Variants in TBL1X observed in about 807,000 individuals in gnomAD.
The protein encoded by TBL1X is F-box-like/WD repeat-containing protein TBL1X.
TBL1X carries 10 observed loss-of-function variants against 50.7 expected under a neutral mutation model. The ratio of observed to expected loss-of-function variants is 0.20; its 90% CI spans 0.12 to 0.33. The LOEUF is 0.33. TBL1X is among the 10% of genes least tolerant of loss of function. TBL1X has a pLI of 1.00. For missense variants in TBL1X, 340 were observed against 504.4 expected, an observed-to-expected ratio of 0.67 and a Z score of 3.12; for synonymous variants, 190 against 214.7, an observed-to-expected ratio of 0.88 and a Z score of 1.01.
At chrX:9,500,688 G>A (rs2081996825) in intron 1 of TBL1X, among the ~76,000 whole-genome samples, 1 of 112,318 alleles carries the variant, frequency 8.9e-6, no homozygotes, top group African/African-American at 3.2e-5. Context: ...TAGCGGTGGT[G>A]TGGGAATTGA....
At chrX:9,620,576 C>T (rs1001217561) in intron 2 of TBL1X, among the ~76,000 whole-genome samples, 3 of 111,841 alleles carry the variant, frequency 2.7e-5, no homozygotes, top group African/African-American at 9.8e-5. Context: ...ATGGATGAAC[C>T]GAAGTGTGTA....
intron 2 of TBL1X, among the ~76,000 whole-genome samples, chrX:9,574,608 T>C (rs2082401757): frequency 9.0e-6 from 1 of 110,615 alleles, no homozygotes; most frequent in Non-Finnish European, 1.9e-5. Context: ...AAGTGTTCTG[T>C]TCTGTGTAGG....
intron 1 of TBL1X, among the ~76,000 whole-genome samples, chrX:9,494,510 A>T (rs2081962026): frequency 8.9e-6 from 1 of 111,908 alleles, no homozygotes; most frequent in Non-Finnish European, 1.9e-5. Context: ...GCCTTTAAAC[A>T]TGGTGACAGG....
chrX:9,527,049 G>A (rs1212990084), intron 2 of TBL1X, among the ~76,000 whole-genome samples: 2 of 112,222 alleles, frequency 1.8e-5, no homozygotes, highest in East Asian at 5.6e-4. Flanking sequence ...TGAGCCAGGC[G>A]TGGGCAGGGA....
rs758379669 is a variant in TBL1X, at chrX:9,718,760, A to G, written c.*2514A>G. On this transcript the variant is annotated 3_prime_UTR_variant, in exon 18 of 18. Coordinates refer to ENST00000645353, the MANE Select transcript of TBL1X (RefSeq NM_005647.4). ...CGGTAGCCAGGGTCTCTCCCGAGGG[A>G]TGGCTTTAGTCTTGATGAATGTGAA... 1 of 111,920 alleles carries G rather than the reference A, an allele frequency of 8.9e-6. No homozygotes were observed. Among genetic ancestry groups the G allele is most frequent in the Non-Finnish European group, 1.9e-5 (1 of 53,151 alleles). 9.2% of individuals were successfully genotyped at this position (111,920 alleles called of 1,213,427 possible). A position where few individuals can be genotyped will look rare whatever the true frequency, so the allele number is the denominator to read the frequency against.
chrX:9,467,247 C>T (rs1366189946), intron 1 of TBL1X, among the ~76,000 whole-genome samples: 1 of 111,456 alleles, frequency 9.0e-6, no homozygotes, highest in Non-Finnish European at 1.9e-5. Context: ...GGGAGGCCAT[C>T]TCCAGCAGGT....
intron 2 of TBL1X, among the ~76,000 whole-genome samples, chrX:9,635,660 GCTC>G (rs2082742901): frequency 2.7e-5 from 3 of 112,007 alleles, no homozygotes; most frequent in Admixed American, 1.9e-4. Context: ...CAGGCTCCCG[GCTC>G]CTCCTTGTGC....
chrX:9,511,593 A>G (rs1371197997), intron 2 of TBL1X, among the ~76,000 whole-genome samples: 2 of 112,628 alleles, frequency 1.8e-5, no homozygotes, highest in Non-Finnish European at 3.7e-5. Flanking sequence ...TTCCAAACAT[A>G]GGTTAAATAC....
chrX:9,703,140 G>A (rs1005489632), intron 12 of TBL1X, among the ~76,000 whole-genome samples: 11 of 110,865 alleles, frequency 9.9e-5, no homozygotes, highest in Non-Finnish European at 1.7e-4. Context: ...GGCTGGTTGT[G>A]GAGGTCCTCT....
At chrX:9,472,211 A>G (rs1362321046) in intron 1 of TBL1X, among the ~76,000 whole-genome samples, 1 of 111,550 alleles carries the variant, frequency 9.0e-6, no homozygotes, top group African/African-American at 3.3e-5. Flanking sequence ...GATAGAAGGG[A>G]ATTTGGACAA....
chrX:9,608,725 T>C (rs2082596741), intron 2 of TBL1X, among the ~76,000 whole-genome samples: 2 of 112,556 alleles, frequency 1.8e-5, no homozygotes, highest in Non-Finnish European at 3.7e-5. Context: ...CACCATTTTA[T>C]ATAATATTCA....
intron 1 of TBL1X, among the ~76,000 whole-genome samples, chrX:9,497,052 T>C (rs776660475): frequency 1.9e-4 from 21 of 111,906 alleles, no homozygotes; most frequent in Non-Finnish European, 3.2e-4. Context: ...AACCTTTGGT[T>C]GGACATGTAA....
At chrX:9,709,190 T>C (rs924113364) in intron 13 of TBL1X, 58 bp from the exon 14 acceptor site, 17 of 1,136,791 alleles carry the variant, frequency 1.5e-5, no homozygotes, top group South Asian at 1.9e-5. Context: ...TGCTGGAAGG[T>C]GACCTCATCT....
At chrX:9,519,983 C>T (rs1256352086) in intron 2 of TBL1X, among the ~76,000 whole-genome samples, 2 of 112,330 alleles carry the variant, frequency 1.8e-5, no homozygotes, top group Non-Finnish European at 3.8e-5. Flanking sequence ...CTTTGATCTC[C>T]TTGGCCTGGA....
At chrX:9,588,062 G>A (rs754329248) in intron 2 of TBL1X, among the ~76,000 whole-genome samples, 4 of 111,770 alleles carry the variant, frequency 3.6e-5, no homozygotes, top group Non-Finnish European at 7.5e-5. Context: ...TCAACCAACC[G>A]TGGATTGAAA....
intron 3 of TBL1X, among the ~76,000 whole-genome samples, chrX:9,641,186 T>C (rs1016613722): frequency 8.9e-6 from 1 of 111,878 alleles, no homozygotes; most frequent in Non-Finnish European, 1.9e-5. Context: ...TTGAAACTTA[T>C]TAGAAAATCA....
chrX:9,682,873 A>T (rs930301728), intron 5 of TBL1X, among the ~76,000 whole-genome samples: 7 of 111,789 alleles, frequency 6.3e-5, no homozygotes. Flanking sequence ...TGCCTCATGC[A>T]TGGAAGTTGT....
intron 12 of TBL1X, among the ~76,000 whole-genome samples, chrX:9,700,789 C>T: frequency 9.0e-6 from 1 of 111,435 alleles, no homozygotes; most frequent in Non-Finnish European, 1.9e-5. Context: ...GAAGCCTTAG[C>T]TCAGAGCCTC....
intron 2 of TBL1X, among the ~76,000 whole-genome samples, chrX:9,624,665 A>G (rs1265110945): frequency 9.0e-6 from 1 of 111,487 alleles, no homozygotes; most frequent in Non-Finnish European, 1.9e-5. Flanking sequence ...TTGAAGTGAT[A>G]TTTGCATGAA....
Sources: gnomAD v4.1 joint callset for allele counts (sites outside exome capture counted in the v4.1 genomes callset) on GRCh38, gnomAD v4.1.1 for gene constraint, MANE v1.5 for transcripts, NCBI Gene and HGNC (gene_info 2026-07-23, HGNC 2026-07-21) for gene names.